The following CARMIL1 variants were observed in gnomAD, a reference collection of about 807,000 sequenced individuals.
The protein encoded by CARMIL1 is F-actin-uncapping protein LRRC16A.
A neutral mutation model predicts 177.1 loss-of-function variants in CARMIL1; 90 were observed. That is an observed-to-expected ratio of 0.51 (90% CI 0.43 to 0.61). CARMIL1 has a LOEUF of 0.61. CARMIL1 is among the 20% of genes least tolerant of loss of function. The pLI is 0.00. For synonymous variants in CARMIL1, 577 were observed against 606.2 expected, an observed-to-expected ratio of 0.95 and a Z score of 0.71; for missense variants, 1,380 against 1,667.0, an observed-to-expected ratio of 0.83 and a Z score of 3.00.
At chr6:25,402,460 T>G (rs1355924331) in intron 2 of CARMIL1, among the ~76,000 whole-genome samples, 1 of 152,174 alleles carries the variant, frequency 6.6e-6, no homozygotes, top group Non-Finnish European at 1.5e-5. Context: ...AATAGGAGAA[T>G]TAGGTAACTC....
intron 2 of CARMIL1, among the ~76,000 whole-genome samples, chr6:25,408,711 C>G (rs192252008): frequency 6.6e-6 from 1 of 151,956 alleles, no homozygotes; most frequent in African/African-American, 2.4e-5. Context: ...GTATTGTCCC[C>G]TGATGAGAGA....
At chr6:25,408,422 G>A (rs1364550368) in intron 2 of CARMIL1, among the ~76,000 whole-genome samples, 7 of 151,596 alleles carry the variant, frequency 4.6e-5, no homozygotes, top group African/African-American at 9.7e-5. Flanking sequence ...CAAGAAGGCC[G>A]AAGAATTCAA....
At chr6:25,420,281 A>T (rs1241839118) in intron 3 of CARMIL1, 117 bp downstream of exon 3, 1 of 842,334 alleles carries the variant, frequency 1.2e-6, no homozygotes, top group East Asian at 2.6e-5. Context: ...CTGCAACACA[A>T]CACACACACA....
chr6:25,360,268 T>A (rs894252710), intron 2 of CARMIL1, among the ~76,000 whole-genome samples: 2 of 152,198 alleles, frequency 1.3e-5, no homozygotes, highest in Non-Finnish European at 2.9e-5. Flanking sequence ...TCACTATTTC[T>A]TGTATGTATG....
intron 2 of CARMIL1, among the ~76,000 whole-genome samples, chr6:25,335,741 G>A (rs1293943703): frequency 6.6e-5 from 10 of 152,236 alleles, no homozygotes. Flanking sequence ...ACTGTGGGGC[G>A]GCAGGGTGGG....
At chr6:25,291,825 A>G (rs1366837455) in intron 2 of CARMIL1, among the ~76,000 whole-genome samples, 1 of 152,220 alleles carries the variant, frequency 6.6e-6, no homozygotes, top group Non-Finnish European at 1.5e-5. Flanking sequence ...CATGGAATAG[A>G]GAGACTCCCG....
intron 2 of CARMIL1, among the ~76,000 whole-genome samples, chr6:25,359,092 C>T (rs902140188): frequency 6.6e-6 from 1 of 152,140 alleles, no homozygotes; most frequent in Non-Finnish European, 1.5e-5. Context: ...GGACACTGGG[C>T]ACCATGGTCA....
chr6:25,523,477 A>G (rs1261117016), intron 23 of CARMIL1, among the ~76,000 whole-genome samples: 8 of 152,236 alleles, frequency 5.3e-5, no homozygotes, highest in African/African-American at 1.4e-4. Context: ...TAAGGTGACC[A>G]TGAGGATCCA....
intron 36 of CARMIL1, among the ~76,000 whole-genome samples, chr6:25,613,197 T>G (rs991957137): frequency 3.9e-5 from 6 of 152,204 alleles, no homozygotes; most frequent in African/African-American, 7.2e-5. Flanking sequence ...GGCTTCCTAT[T>G]CTCTTCCTTT....
chr6:25,586,918 CG>C (rs1455711197), intron 31 of CARMIL1, among the ~76,000 whole-genome samples: 10 of 151,602 alleles, frequency 6.6e-5, no homozygotes, highest in Non-Finnish European at 1.5e-4. Flanking sequence ...AGTCCAGCCT[CG>C]GCTCGGCATC....
intron 2 of CARMIL1, among the ~76,000 whole-genome samples, chr6:25,303,932 T>C (rs908456696): frequency 2.6e-5 from 4 of 152,242 alleles, no homozygotes; most frequent in African/African-American, 9.6e-5. Context: ...TGGGTTTGAC[T>C]TGAGAAGAAC....
chr6:25,450,259 C>T (rs1013959860), intron 6 of CARMIL1, 80 bp from the exon 7 acceptor site: 2 of 962,452 alleles, frequency 2.1e-6, no homozygotes, highest in South Asian at 1.4e-5. Context: ...TTGTCAACAT[C>T]GGCCATATTT....
chr6:25,498,971 AG>A lies in CARMIL1; in HGVS notation c.1326-1193del, dbSNP rs1364596602. On this transcript the variant is annotated intron_variant, in intron 16 of 36. Coordinates refer to ENST00000329474, the MANE Select transcript of CARMIL1 (RefSeq NM_017640.6). ...AACTGAATTTAAAAAGTGAAAAGGAAGGCACTCACCTCCAGCCTCCTAACAA... is the reference window on the plus strand; with the variant it reads ...AACTGAATTTAAAAAGTGAAAAGGAAGCACTCACCTCCAGCCTCCTAACAA... Among the ~76,000 whole-genome samples, 3 of 152,186 alleles carry A rather than the reference AG, an allele frequency of 2.0e-5. No homozygotes were observed. The East Asian group carries it at 5.8e-4, about 29-fold the overall frequency.
chr6:25,412,901 G>A lies in CARMIL1; in HGVS notation c.139-7213G>A, dbSNP rs369361908. Among the ~76,000 whole-genome samples the A allele has an allele frequency of 7.9e-5, 12 of 152,270 alleles. 1 individual carries two copies. In the South Asian group the frequency reaches 1.0e-3, roughly 13 times the overall value. ...CCATGAAGAGTGAAGCTCTAATTTT[G>A]AAAAGGATTTTAAGTCAGGAATTAA... On this transcript the variant is annotated intron_variant, in intron 2 of 36. Transcript: ENST00000329474.
chr6:25,470,517 CACT>C lies in CARMIL1; in HGVS notation c.691-649_691-647del, dbSNP rs563990641. 3.9e-5 allele frequency among the ~76,000 whole-genome samples: 6 copies of C among 152,328 alleles called. 1 individual carries two copies. The highest frequency in any genetic ancestry group is 4.1e-4 in the South Asian group (2 of 4,830). ...TAGGTGCACCTATATGTATGCATAGCACTACCAAAATGGTCTTTTTATTATTTT... is the reference window on the plus strand; with the variant it reads ...TAGGTGCACCTATATGTATGCATAGCACCAAAATGGTCTTTTTATTATTTT... On this transcript the variant is annotated intron_variant, in intron 9 of 36. Coordinates refer to ENST00000329474, the MANE Select transcript of CARMIL1 (RefSeq NM_017640.6).
chr6:25,333,054 C>T (rs891080653), intron 2 of CARMIL1, among the ~76,000 whole-genome samples: 11 of 152,098 alleles, frequency 7.2e-5, no homozygotes, highest in African/African-American at 2.4e-5. Flanking sequence ...ATTCCTGCTA[C>T]GTGGAGGAAG....
chr6:25,291,497 T>A (rs542255185), intron 2 of CARMIL1, among the ~76,000 whole-genome samples: 1 of 152,340 alleles, frequency 6.6e-6, no homozygotes, highest in Non-Finnish European at 1.5e-5. Flanking sequence ...CTTTTCTAGT[T>A]TGCCAGTCTC....
rs71544648 is a variant in CARMIL1, at chr6:25,584,026, CT to C, written c.3006+2606del. Among the ~76,000 whole-genome samples the C allele has an allele frequency of 7.1e-3, 842 of 119,114 alleles. 3 individuals are homozygous for C. Among genetic ancestry groups the C allele is most frequent in the Non-Finnish European group, 9.4e-3 (544 of 57,936 alleles). The allele number at this position is 119,114 out of a possible 152,430, so 78.1% of individuals were successfully genotyped here. On this transcript the variant is annotated intron_variant, in intron 31 of 36. Transcript: ENST00000329474. ...TACTTTTATCTTTTCTTTTCTTTTT[CT>C]TTTTTTTTTTTTTTTTTTGAGACAG...
intron 2 of CARMIL1, among the ~76,000 whole-genome samples, chr6:25,412,760 G>A (rs1318580530): frequency 6.6e-6 from 1 of 152,114 alleles, no homozygotes; most frequent in Non-Finnish European, 1.5e-5. Flanking sequence ...AAAACTCTAT[G>A]TGGGGTAGTG....
Sources: allele counts gnomAD v4.1 joint callset (sites outside exome capture counted in the v4.1 genomes callset), GRCh38; gene constraint gnomAD v4.1.1; transcripts MANE v1.5; gene names NCBI Gene and HGNC (gene_info 2026-07-23, HGNC 2026-07-21).